Variants in OR11A1 observed in about 807,000 individuals in gnomAD.
OR11A1 encodes olfactory receptor family 11 subfamily A member 1.
For synonymous variants in OR11A1, 158 were observed against 152.2 expected (o/e 1.04, Z -0.28); for missense variants, 380 against 378.2 (o/e 1.00, Z -0.04).
rs192346973 is a variant in OR11A1 at position 29,444,303 on chromosome 6, T to A, written c.-388-12316A>T. On this transcript the variant is annotated intron_variant, in intron 1 of 4. Transcript: ENST00000377149. The stretch of plus-strand genomic sequence containing the variant: ...TGAGGCCTCCCCAGTCATGTGGAAC[T>A]GTAAGTCCAATAAACCTCTTTGTTT... 5.3e-5 allele frequency among the ~76,000 whole-genome samples: 8 copies of A among 152,352 alleles called. No homozygotes were observed. The East Asian group carries it at 1.3e-3, about 26-fold the overall frequency.
Position 29,436,740 on chromosome 6 carries a change from CAA to C in OR11A1, c.-388-4755_-388-4754del, listed in dbSNP as rs1783654151. 2.0e-5 allele frequency among the ~76,000 whole-genome samples: 3 copies of C among 152,148 alleles called. No homozygotes were observed. The South Asian group carries it at 6.2e-4, about 32-fold the overall frequency. On this transcript the variant is annotated intron_variant, in intron 1 of 4. Transcript: ENST00000377149. ...TCTCATTAAAATGAAGTGAATTGTA[CAA>C]AGTTATAGAATAGGTTAGTCATAGA...
Position 29,427,568 on chromosome 6 carries a change from A to T in OR11A1, c.74T>A (p.Leu25Gln). The change falls in exon 5 of 5, where the codon CTG (leucine) becomes CAG (glutamine). Residue 25 changes from leucine to glutamine, a missense_variant. Leu to Gln is a moderately radical substitution (Grantham distance 113). Coordinates refer to ENST00000377149, the MANE Select transcript of OR11A1 (RefSeq NM_001394828.1). ...VLLGFYDIPE[L>Q]HFLFFIVFTA... ...GAATACAATAAAAAACAAGAAATGCAGTTCAGGGATGTCATAGAAGCCAAG... is the reference window on the plus strand; with the variant it reads ...GAATACAATAAAAAACAAGAAATGCTGTTCAGGGATGTCATAGAAGCCAAG... The T allele has an allele frequency of 6.2e-7, 1 of 1,613,092 alleles. No homozygotes were observed. Among genetic ancestry groups the T allele is most frequent in the Non-Finnish European group, 8.5e-7 (1 of 1,180,030 alleles).
At chr6:29,449,237 C>A (rs1194664818) in intron 1 of OR11A1, among the ~76,000 whole-genome samples, 1 of 152,138 alleles carries the variant, frequency 6.6e-6, no homozygotes, top group Non-Finnish European at 1.5e-5. Context: ...TCAGTTATAA[C>A]AAATTACCAC....
chr6:29,446,404 C>T lies in OR11A1; in HGVS notation c.-389+10583G>A, dbSNP rs373728106. ...AATCTGTCTCATCTACCATAACCAC[C>T]ACCTGGTTTGTGCAATAGCATTTTC... On this transcript the variant is annotated intron_variant, in intron 1 of 4. Transcript: ENST00000377149. Among the ~76,000 whole-genome samples the T allele has an allele frequency of 1.4e-4, 21 of 152,200 alleles. No homozygotes were observed. The East Asian group carries it at 4.1e-3, about 29-fold the overall frequency.
intron 3 of OR11A1, 103 bp from the exon 4 acceptor site, chr6:29,429,063 A>T: frequency 1.7e-5 from 3 of 181,430 alleles, no homozygotes; most frequent in Non-Finnish European, 2.1e-5. Flanking sequence ...CATAATACTA[A>T]CAGTGTTACT....
At chr6:29,451,575 A>C (rs1785386700) in intron 1 of OR11A1, among the ~76,000 whole-genome samples, 1 of 152,238 alleles carries the variant, frequency 6.6e-6, no homozygotes, top group South Asian at 2.1e-4. Context: ...GCCAAGAAGC[A>C]CATGAAAAAA....
Position 29,427,276 on chromosome 6 carries a change from G to C in OR11A1, c.366C>G (p.Asp122Glu), listed in dbSNP as rs762257290. The C allele has an allele frequency of 6.2e-7, 1 of 1,613,076 alleles. No homozygotes were observed. The highest frequency in any genetic ancestry group is 8.5e-7 in the Non-Finnish European group (1 of 1,180,026). ...GTGGGTAGCAAATTGCCAGGTAGCG[G>C]TCATATGCCATGACAGCCAGCAGTA... ...ECLLLAVMAY[D>E]RYLAICYPLH... The change falls in exon 5 of 5, where the codon GAC (aspartate) becomes GAG (glutamate). Residue 122 changes from aspartate (D) to glutamate (E), a missense_variant. Coordinates refer to ENST00000377149, the MANE Select transcript of OR11A1 (RefSeq NM_001394828.1).
Position 29,444,028 on chromosome 6 carries a change from G to C in OR11A1, c.-388-12041C>G, listed in dbSNP as rs1459988350. On this transcript the variant is annotated intron_variant, in intron 1 of 4. Transcript: ENST00000377149. ...TGAATGGAAAATCCCTGGTTATATG[G>C]TTTGGCTCTATGTCCCCACCCAAAT... is the stretch of plus-strand genomic sequence containing the variant. 2.0e-5 allele frequency among the ~76,000 whole-genome samples: 3 copies of C among 152,098 alleles called. No individual in the cohort carries two copies. In the South Asian group the frequency reaches 6.2e-4, roughly 32 times the overall value.
intron 2 of OR11A1, among the ~76,000 whole-genome samples, chr6:29,431,645 A>G (rs1404277875): frequency 6.6e-6 from 1 of 152,218 alleles, no homozygotes; most frequent in Non-Finnish European, 1.5e-5. Context: ...TTAGAAATCA[A>G]CTTTTAAAAA....
chr6:29,445,623 C>A (rs1387506584), intron 1 of OR11A1, among the ~76,000 whole-genome samples: 1 of 152,166 alleles, frequency 6.6e-6, no homozygotes, highest in Non-Finnish European at 1.5e-5. Context: ...AGCATGGTCC[C>A]CCTGCGTTTC....
In OR11A1 at chr6:29,431,852, A is replaced by C. The variant is rs1427842509; in HGVS notation, c.-265+12T>G. 1 of 985,252 alleles carries C rather than the reference A, an allele frequency of 1.0e-6. No homozygotes were observed. Among genetic ancestry groups the C allele is most frequent in the Non-Finnish European group, 1.2e-6 (1 of 829,902 alleles). 61.0% of individuals were successfully genotyped at this position (985,252 alleles called of 1,614,324 possible). A position where few individuals can be genotyped will look rare whatever the true frequency, so the allele number is the denominator to read the frequency against. On this transcript the variant is annotated intron_variant, in intron 2 of 4. Coordinates refer to ENST00000377149, the MANE Select transcript of OR11A1 (RefSeq NM_001394828.1). The stretch of plus-strand genomic sequence containing the variant: ...AACTAAGCTGTAAAGAATTTTACAA[A>C]AATAAACGTACCCGAAATATCGACC...
chr6:29,440,546 C>T, intron 1 of OR11A1: 5 of 1,613,864 alleles, frequency 3.1e-6, no homozygotes, highest in Non-Finnish European at 4.2e-6. Flanking sequence ...CGCAGTTCTT[C>T]TGTGAGATCC....
intron 1 of OR11A1, chr6:29,440,127 G>A (rs770812709): frequency 1.1e-5 from 17 of 1,613,356 alleles, no homozygotes; most frequent in African/African-American, 1.3e-5. Context: ...CCTGCTGACC[G>A]TGGCAGGCAA....
intron 1 of OR11A1, chr6:29,440,963 C>A: frequency 6.4e-7 from 1 of 1,560,936 alleles, no homozygotes; most frequent in Non-Finnish European, 8.8e-7. Flanking sequence ...GAAAAGGGGG[C>A]GATAGTGACT....
At chr6:29,438,255 TA>T (rs2151377328) in intron 1 of OR11A1, among the ~76,000 whole-genome samples, 1 of 152,070 alleles carries the variant, frequency 6.6e-6, no homozygotes, top group African/African-American at 2.4e-5. Context: ...ATACCAATGA[TA>T]AAAATGCAAA....
chr6:29,440,098 CTG>C, intron 1 of OR11A1: 1 of 1,613,352 alleles, frequency 6.2e-7, no homozygotes, highest in Non-Finnish European at 8.5e-7. Context: ...TTGCTCTTCT[CTG>C]TCTTTCTCAC....
At chr6:29,433,070 T>A (rs1479971097) in intron 1 of OR11A1, among the ~76,000 whole-genome samples, 2 of 152,230 alleles carry the variant, frequency 1.3e-5, no homozygotes, top group African/African-American at 4.8e-5. Context: ...ATTGACAAAT[T>A]AAAATTGTAT....
intron 2 of OR11A1, among the ~76,000 whole-genome samples, chr6:29,431,435 T>TAA (rs1561776934): frequency 6.6e-6 from 1 of 152,150 alleles, no homozygotes; most frequent in Non-Finnish European, 1.5e-5. Context: ...AGTATAATTT[T>TAA]AAGTATATCC....
chr6:29,439,866 AT>A lies in OR11A1; in HGVS notation c.-388-7880del, dbSNP rs1212117550. ...TATGGACTCCAGGCAAGGCTGCCTA[AT>A]TTCAAAGTCCATGATATTCTAATAG... On this transcript the variant is annotated intron_variant, in intron 1 of 4. Coordinates refer to ENST00000377149, the MANE Select transcript of OR11A1 (RefSeq NM_001394828.1). The A allele has an allele frequency of 7.8e-6, 5 of 644,242 alleles. 1 individual carries two copies. In the Admixed American group the frequency reaches 1.5e-4, roughly 19 times the overall value. The allele number at this position is 644,242 out of a possible 1,614,324, so 39.9% of individuals were successfully genotyped here. A position where few individuals can be genotyped will look rare whatever the true frequency, so the allele number is the denominator to read the frequency against.
Sources: allele counts gnomAD v4.1 joint callset (sites outside exome capture counted in the v4.1 genomes callset), GRCh38; gene constraint gnomAD v4.1.1; transcripts MANE v1.5; gene names NCBI Gene and HGNC (gene_info 2026-07-23, HGNC 2026-07-21).